DOCK9: variants seen among roughly 807,000 people sequenced by gnomAD.
The protein encoded by DOCK9 is dedicator of cytokinesis protein 9.
In DOCK9, 89 loss-of-function variants were observed where a neutral mutation model predicts 263.3. The observed-to-expected ratio is 0.34, with a 90% CI of 0.28 to 0.40. DOCK9 has a LOEUF of 0.40. Among genes scored for constraint, DOCK9 ranks in the 10% least tolerant of loss-of-function variants. DOCK9 has a pLI of 1.00. For synonymous variants in DOCK9, 976 were observed against 973.1 expected (o/e 1.00, Z -0.06); for missense variants, 2,140 against 2,603.4 (o/e 0.82, Z 3.87).
intron 2 of DOCK9, among the ~76,000 whole-genome samples, chr13:98,952,382 T>C (rs2057538940): frequency 1.3e-5 from 2 of 151,104 alleles, no homozygotes; most frequent in South Asian, 4.2e-4. Context: ...ATTACAGGCA[T>C]GCACCACCAT....
At chr13:98,975,582 G>T in intron 1 of DOCK9, among the ~76,000 whole-genome samples, 1 of 151,920 alleles carries the variant, frequency 6.6e-6, no homozygotes, top group Admixed American at 6.6e-5. Context: ...GTCACCACTG[G>T]AGAGTAAAAA....
chr13:99,045,975 C>T (rs1888964640), intron 1 of DOCK9, among the ~76,000 whole-genome samples: 1 of 151,686 alleles, frequency 6.6e-6, no homozygotes, highest in South Asian at 2.1e-4. Context: ...ATGGCACGTG[C>T]CTGTAGTCCC....
intron 1 of DOCK9, among the ~76,000 whole-genome samples, chr13:99,050,940 G>T (rs1030671625): frequency 3.3e-5 from 5 of 152,226 alleles, no homozygotes; most frequent in South Asian, 4.1e-4. Flanking sequence ...CTGCCAGGAC[G>T]TAAGGCCAAG....
chr13:98,880,101 A>T, intron 26 of DOCK9, 132 bp from the exon 27 acceptor site: 1 of 657,298 alleles, frequency 1.5e-6, no homozygotes, highest in Non-Finnish European at 2.5e-6. Flanking sequence ...CTCTTGGCAC[A>T]TTATGATCAG....
intron 1 of DOCK9, among the ~76,000 whole-genome samples, chr13:99,032,482 C>CAAA (rs35786410): frequency 2.4e-5 from 3 of 126,900 alleles, no homozygotes; most frequent in Non-Finnish European, 4.9e-5. Flanking sequence ...GACACCATCT[C>CAAA]AAAAAAAAAA....
intron 4 of DOCK9, among the ~76,000 whole-genome samples, chr13:98,923,858 T>C (rs1189682817): frequency 6.6e-6 from 1 of 152,188 alleles, no homozygotes; most frequent in African/African-American, 2.4e-5. Flanking sequence ...TTTAATCCTT[T>C]AATCATGGTG....
At chr13:99,002,571 T>C (rs1487708092) in intron 1 of DOCK9, among the ~76,000 whole-genome samples, 1 of 152,210 alleles carries the variant, frequency 6.6e-6, no homozygotes, top group African/African-American at 2.4e-5. Flanking sequence ...CAGCCTTTGG[T>C]TGCTCATGGA....
Position 98,887,649 on chromosome 13 carries a change from A to G in DOCK9, c.2043+509T>C, listed in dbSNP as rs568729363. ...AAAAAAAAAAAAAAAAAAGGATAAT[A>G]ATAATACTTAACTCAAAAGACTACT... On this transcript the variant is annotated intron_variant, in intron 18 of 52. Transcript: ENST00000682017. Among the ~76,000 whole-genome samples the G allele has an allele frequency of 1.1e-4, 16 of 149,988 alleles. No individual in the cohort carries two copies. In the East Asian group the frequency reaches 2.9e-3, roughly 27 times the overall value.
chr13:98,866,720 C>T (rs1446090293), intron 30 of DOCK9, among the ~76,000 whole-genome samples: 1 of 152,122 alleles, frequency 6.6e-6, no homozygotes, highest in Non-Finnish European at 1.5e-5. Flanking sequence ...AGCCACATTG[C>T]TTGTGATTTT....
intron 1 of DOCK9, among the ~76,000 whole-genome samples, chr13:99,080,631 C>G (rs2042087283): frequency 6.6e-6 from 1 of 152,148 alleles, no homozygotes; most frequent in Non-Finnish European, 1.5e-5. Flanking sequence ...ATTTCTTATT[C>G]TTTCCTAGAA....
chr13:98,924,320 G>T (rs2052571342), intron 4 of DOCK9, among the ~76,000 whole-genome samples: 1 of 152,176 alleles, frequency 6.6e-6, no homozygotes, highest in African/African-American at 2.4e-5. Flanking sequence ...AAAACAAACA[G>T]CTAGGTCTAC....
intron 1 of DOCK9, among the ~76,000 whole-genome samples, chr13:99,011,973 C>G (rs1368941058): frequency 6.6e-6 from 1 of 152,136 alleles, no homozygotes; most frequent in Non-Finnish European, 1.5e-5. Flanking sequence ...TTGGCATGCA[C>G]CACCACGCCC....
intron 27 of DOCK9, among the ~76,000 whole-genome samples, chr13:98,876,202 G>T (rs116536138): frequency 5.3e-5 from 8 of 152,190 alleles, no homozygotes; most frequent in African/African-American, 1.9e-4. Context: ...TTCAAGAAAG[G>T]TTCCCTTGGC....
chr13:99,026,275 A>G (rs1054219993), intron 1 of DOCK9, among the ~76,000 whole-genome samples: 1 of 152,218 alleles, frequency 6.6e-6, no homozygotes, highest in African/African-American at 2.4e-5. Context: ...CATTTCATGT[A>G]TGAATCATAT....
intron 1 of DOCK9, among the ~76,000 whole-genome samples, chr13:99,014,943 A>C (rs907743289): frequency 2.6e-5 from 4 of 152,238 alleles, no homozygotes; most frequent in African/African-American, 7.2e-5. Flanking sequence ...TTAAAAAAAT[A>C]AAACTATAAA....
intron 1 of DOCK9, among the ~76,000 whole-genome samples, chr13:98,999,316 A>ACACACACACACACACACACTCTCTCTCT: frequency 1.0e-4 from 14 of 138,288 alleles, no homozygotes; most frequent in South Asian, 2.7e-4. Context: ...ACACACACAC[A>ACACACACACACACACACACTCTCTCTCT]CTCTCTCTCT....
At chr13:98,874,599 C>T (rs2094280463) in intron 27 of DOCK9, among the ~76,000 whole-genome samples, 1 of 152,184 alleles carries the variant, frequency 6.6e-6, no homozygotes, top group Non-Finnish European at 1.5e-5. Flanking sequence ...TCAATCCCAC[C>T]TTATCCTCCC....
chr13:98,927,846 C>T (rs889632725), intron 3 of DOCK9, among the ~76,000 whole-genome samples: 1 of 152,014 alleles, frequency 6.6e-6, no homozygotes, highest in Admixed American at 6.6e-5. Flanking sequence ...GTCTCGAACT[C>T]CTGACCTCGT....
chr13:99,052,974 G>A (rs1193194144), intron 1 of DOCK9, among the ~76,000 whole-genome samples: 2 of 152,026 alleles, frequency 1.3e-5, no homozygotes, highest in Non-Finnish European at 2.9e-5. Context: ...AATTTCTAAT[G>A]GTAGGTTTTT....
Sources: allele counts gnomAD v4.1 joint callset (sites outside exome capture counted in the v4.1 genomes callset), GRCh38; gene constraint gnomAD v4.1.1; transcripts MANE v1.5; gene names NCBI Gene and HGNC (gene_info 2026-07-23, HGNC 2026-07-21).